Variants in UHRF1 observed in about 807,000 individuals in gnomAD.
The protein encoded by UHRF1 is ubiquitin like with PHD and ring finger domains 1.
A neutral mutation model predicts 96.5 loss-of-function variants in UHRF1; 9 were observed. The observed-to-expected ratio is 0.09, with a 90% CI of 0.06 to 0.16. The LOEUF (loss-of-function observed/expected upper bound fraction) is 0.16. Ranked by LOEUF, UHRF1 falls within the 10% of genes least tolerant of loss-of-function variation. The pLI is 1.00. For missense variants in UHRF1, 626 were observed against 1,131.1 expected (o/e 0.55, Z 6.40); for synonymous variants, 455 against 469.9 (o/e 0.97, Z 0.41).
intron 2 of UHRF1, among the ~76,000 whole-genome samples, chr19:4,922,207 A>C: frequency 6.8e-6 from 1 of 146,486 alleles, no homozygotes; most frequent in African/African-American, 2.5e-5. Flanking sequence ...TCGGCCTCCC[A>C]AAGTGCTGGG....
At chr19:4,919,697 T>C (rs765765021) in intron 2 of UHRF1, among the ~76,000 whole-genome samples, 6 of 152,142 alleles carry the variant, frequency 3.9e-5, no homozygotes, top group Non-Finnish European at 8.8e-5. Context: ...GTAGGAGACC[T>C]TGAGTTAGGG....
At chr19:4,934,124 G>A (rs2033147275) in intron 5 of UHRF1, among the ~76,000 whole-genome samples, 1 of 151,510 alleles carries the variant, frequency 6.6e-6, no homozygotes, top group African/African-American at 2.4e-5. Flanking sequence ...TCCAGGTTCA[G>A]GTGATTCTCC....
intron 2 of UHRF1, among the ~76,000 whole-genome samples, chr19:4,927,619 C>A (rs1353628104): frequency 6.6e-6 from 1 of 152,146 alleles, no homozygotes; most frequent in Non-Finnish European, 1.5e-5. Flanking sequence ...AGGTCTCTCT[C>A]CTCCCTTTTC....
At chr19:4,917,886 C>A (rs1477308389) in intron 2 of UHRF1, among the ~76,000 whole-genome samples, 2 of 151,974 alleles carry the variant, frequency 1.3e-5, no homozygotes, top group Non-Finnish European at 2.9e-5. Flanking sequence ...GTATCAAACT[C>A]CTGGGCTCAA....
At chr19:4,911,143 C>A (rs1371215827) in intron 2 of UHRF1, 105 bp downstream of exon 2, 36 of 1,118,648 alleles carry the variant, frequency 3.2e-5, no homozygotes, top group Non-Finnish European at 4.3e-5. Flanking sequence ...CCAACAACCT[C>A]GTCCGGTCCC....
At chr19:4,923,434 T>C (rs1335976783) in intron 2 of UHRF1, among the ~76,000 whole-genome samples, 1 of 152,178 alleles carries the variant, frequency 6.6e-6, no homozygotes, top group Non-Finnish European at 1.5e-5. Context: ...GACTGTATTT[T>C]CCATCCTCTG....
At chr19:4,957,766 A>C (rs1263776714) in intron 16 of UHRF1, among the ~76,000 whole-genome samples, 1 of 152,094 alleles carries the variant, frequency 6.6e-6, no homozygotes, top group African/African-American at 2.4e-5. Context: ...ACTCCATGCC[A>C]GGAGCTCCCT....
intron 9 of UHRF1, 144 bp downstream of exon 9, chr19:4,944,594 G>A (rs2033508705): frequency 3.5e-6 from 3 of 856,844 alleles, no homozygotes; most frequent in South Asian, 1.6e-5. Context: ...TGGAAAGCCT[G>A]CAGGTTTGGG....
chr19:4,941,081 T>G (rs1198919642), intron 5 of UHRF1, among the ~76,000 whole-genome samples: 1 of 111,614 alleles, frequency 9.0e-6, no homozygotes, highest in African/African-American at 3.8e-5. Context: ...GGTTTCTGTG[T>G]TTTGTTTTTT....
At chr19:4,955,074 TGCTCCCCAGCCCCTGCACCC>T (rs2033821164) in intron 15 of UHRF1, among the ~76,000 whole-genome samples, 1 of 150,910 alleles carries the variant, frequency 6.6e-6, no homozygotes, top group South Asian at 2.1e-4. Context: ...CCCCGGCAAC[TGCTCCCCAGCCCCTGCACCC>T]GCTCCCCAGC....
intron 2 of UHRF1, among the ~76,000 whole-genome samples, chr19:4,924,458 A>G (rs909897727): frequency 2.0e-5 from 3 of 151,930 alleles, no homozygotes; most frequent in African/African-American, 7.3e-5. Flanking sequence ...CAATTTTTGT[A>G]TTTTTAGTGG....
intron 15 of UHRF1, among the ~76,000 whole-genome samples, chr19:4,955,417 G>A (rs1267731115): frequency 6.6e-6 from 1 of 151,990 alleles, no homozygotes. Flanking sequence ...GCCCTCTCTC[G>A]GGAGGACCTC....
In UHRF1 at chr19:4,935,525, G is replaced by A. The variant is rs943989507; in HGVS notation, c.785+2569G>A. 3.3e-5 allele frequency among the ~76,000 whole-genome samples: 5 copies of A among 151,896 alleles called. No homozygotes were observed. The South Asian group carries it at 6.2e-4, about 19-fold the overall frequency. On this transcript the variant is annotated intron_variant, in intron 5 of 16. Coordinates refer to ENST00000650932, the MANE Select transcript of UHRF1 (RefSeq NM_001048201.3). ...TGGCTGATATAATCCACTACTTTGC[G>A]GTTGAAGGATGGGGGCTTCATTTTT...
chr19:4,950,182 A>G (rs928288934), intron 11 of UHRF1, among the ~76,000 whole-genome samples: 1 of 151,892 alleles, frequency 6.6e-6, no homozygotes, highest in Non-Finnish European at 1.5e-5. Context: ...CCCTGTCTCA[A>G]ATAAATAGTA....
At position 4,941,836 on chromosome 19, in the gene UHRF1, C is replaced by A. The variant is rs929321064; in HGVS notation, c.978C>A (p.Asp326Glu). 1.9e-6 allele frequency: 3 copies of A among 1,575,242 alleles called. No homozygotes were observed. The highest frequency in any genetic ancestry group is 2.6e-6 in the Non-Finnish European group (3 of 1,161,172). ...CACHLCGGRQ[D>E]PDKQLMCDEC... ...GCCACCTGTGCGGGGGCCGGCAGGA[C>A]CCCGACAAGCAGCTCATGTGCGATG... The change falls in exon 7 of 17, where the codon GAC becomes GAA. Residue 326 changes from aspartate to glutamate, a missense_variant. This residue lies in a region of UHRF1 where 69 missense variants were observed against 159.8 expected (regional missense o/e 0.43). Coordinates refer to ENST00000650932, the MANE Select transcript of UHRF1 (RefSeq NM_001048201.3).
At chr19:4,931,917 C>T (rs994299669) in intron 4 of UHRF1, among the ~76,000 whole-genome samples, 4 of 151,906 alleles carry the variant, frequency 2.6e-5, no homozygotes, top group South Asian at 2.1e-4. Context: ...TGCACCACTG[C>T]GCCCAGCTAA....
At chr19:4,960,330 G>C (rs905328733) in intron 16 of UHRF1, among the ~76,000 whole-genome samples, 1 of 152,220 alleles carries the variant, frequency 6.6e-6, no homozygotes, top group Non-Finnish European at 1.5e-5. Flanking sequence ...GATGGGGTGA[G>C]GGGATGGGAC....
intron 2 of UHRF1, among the ~76,000 whole-genome samples, chr19:4,923,452 C>T (rs2032767086): frequency 6.6e-6 from 1 of 152,198 alleles, no homozygotes; most frequent in African/African-American, 2.4e-5. Context: ...CTGCAGTGGT[C>T]TGGTTTCCCT....
chr19:4,909,496 AAATC>A, upstream of UHRF1: 1 of 655,524 alleles, frequency 1.5e-6, no homozygotes, highest in Non-Finnish European at 2.8e-6. Context: ...CGCGGGAAAA[AAATC>A]AGAGCAGCTG....
Sources: gnomAD v4.1 joint callset for allele counts (sites outside exome capture counted in the v4.1 genomes callset) on GRCh38, gnomAD v4.1.1 for gene constraint, gnomAD v4.1.1 regional missense constraint, MANE v1.5 for transcripts, NCBI Gene and HGNC (gene_info 2026-07-23, HGNC 2026-07-21) for gene names.